ALPK1: variants seen among roughly 807,000 people sequenced by gnomAD.
ALPK1 encodes the protein alpha-protein kinase 1.
In ALPK1, 110 loss-of-function variants were observed where a neutral mutation model predicts 120.6. That is an observed-to-expected ratio of 0.91 (90% CI 0.78 to 1.07). The LOEUF (loss-of-function observed/expected upper bound fraction) is 1.07. Among genes scored for constraint, ALPK1 ranks in the 50% least tolerant of loss-of-function variants. The probability of loss-of-function intolerance (pLI) is 0.00; values close to 1 mark genes in which losing one functional copy is unlikely to be tolerated. For missense variants in ALPK1, 1,498 were observed against 1,483.9 expected (o/e 1.01, Z -0.16); for synonymous variants, 582 against 560.3 (o/e 1.04, Z -0.55).
At chr4:112,375,883 A>ACTC (rs566267311) in intron 2 of ALPK1, among the ~76,000 whole-genome samples, 126 of 151,748 alleles carry the variant, frequency 8.3e-4, no homozygotes, top group African/African-American at 2.9e-3. Context: ...GAGATGTGTG[A>ACTC]CTCTTCCTTT....
chr4:112,405,923 G>A (rs1733152013), intron 4 of ALPK1, among the ~76,000 whole-genome samples: 1 of 152,104 alleles, frequency 6.6e-6, no homozygotes, highest in African/African-American at 2.4e-5. Context: ...ACAGAACCTT[G>A]CTGAGGCCAC....
At chr4:112,344,900 T>A (rs762086441) in intron 2 of ALPK1, among the ~76,000 whole-genome samples, 32 of 152,348 alleles carry the variant, frequency 2.1e-4, no homozygotes, top group South Asian at 8.3e-4. Flanking sequence ...AAATTACAGA[T>A]TTAAAATGTT....
At chr4:112,360,831 T>A (rs1730881930) in intron 2 of ALPK1, among the ~76,000 whole-genome samples, 1 of 152,208 alleles carries the variant, frequency 6.6e-6, no homozygotes, top group East Asian at 1.9e-4. Context: ...TGTATGTAAG[T>A]CCTTTGTTGT....
At chr4:112,305,865 G>T (rs1728026572) in intron 1 of ALPK1, among the ~76,000 whole-genome samples, 1 of 152,022 alleles carries the variant, frequency 6.6e-6, no homozygotes, top group Non-Finnish European at 1.5e-5. Context: ...TGCCCATTCA[G>T]TATGATATTG....
intron 12 of ALPK1, among the ~76,000 whole-genome samples, chr4:112,436,523 G>C (rs1215635693): frequency 6.6e-6 from 1 of 152,148 alleles, no homozygotes; most frequent in Non-Finnish European, 1.5e-5. Flanking sequence ...GGAGTAGGGT[G>C]GGCCCCTGAT....
chr4:112,298,750 T>C (rs1396288653), intron 1 of ALPK1, among the ~76,000 whole-genome samples: 3 of 152,190 alleles, frequency 2.0e-5, no homozygotes, highest in Admixed American at 2.0e-4. Flanking sequence ...TGTGTTAAGC[T>C]GTAACAATAC....
intron 13 of ALPK1, 91 bp from the exon 14 acceptor site, chr4:112,439,595 G>T: frequency 9.4e-7 from 1 of 1,065,770 alleles, no homozygotes; most frequent in South Asian, 2.1e-5. Flanking sequence ...AAGCAAAGTG[G>T]CAGAGCCTAG....
intron 4 of ALPK1, among the ~76,000 whole-genome samples, chr4:112,385,837 G>A (rs1487703989): frequency 2.0e-5 from 3 of 152,074 alleles, no homozygotes. Context: ...AAAGATTACT[G>A]AGTTTGTCTT....
intron 2 of ALPK1, among the ~76,000 whole-genome samples, chr4:112,332,563 G>A (rs2148701632): frequency 6.6e-6 from 1 of 152,336 alleles, no homozygotes; most frequent in South Asian, 2.1e-4. Flanking sequence ...GTGAAATGGT[G>A]AAATGATCAA....
rs145499487 is a variant in ALPK1, at chr4:112,365,670, T to C, written c.-100-12008T>C. Among the ~76,000 whole-genome samples, 605 of 152,250 alleles carry C rather than the reference T, an allele frequency of 4.0e-3. 4 individuals carry two copies. Among genetic ancestry groups the C allele is most frequent in the African/African-American group, 0.014 (577 of 41,534 alleles). On this transcript the variant is annotated intron_variant, in intron 2 of 15. Transcript: ENST00000650871. Reference sequence around the variant, plus strand: ...AAATTCAATGCAATTCCCATCAAAATACTGCCATCATTCTTCACAGAACTA... The same window carrying C: ...AAATTCAATGCAATTCCCATCAAAACACTGCCATCATTCTTCACAGAACTA...
At chr4:112,309,364 G>T (rs934364540) in intron 1 of ALPK1, among the ~76,000 whole-genome samples, 1 of 152,186 alleles carries the variant, frequency 6.6e-6, no homozygotes, top group African/African-American at 2.4e-5. Flanking sequence ...TGCAGAGGCA[G>T]GCAGGCCTCC....
At chr4:112,377,274 G>A (rs975678928) in intron 2 of ALPK1, among the ~76,000 whole-genome samples, 7 of 152,276 alleles carry the variant, frequency 4.6e-5, no homozygotes, top group South Asian at 2.1e-4. Context: ...GGTTATTACC[G>A]TGTACTAGTG....
At chr4:112,415,055 C>G (rs1733674989) in intron 5 of ALPK1, 1 of 152,180 alleles carries the variant, frequency 6.6e-6, no homozygotes, top group African/African-American at 2.4e-5. Flanking sequence ...AGAGAAGTTA[C>G]AAGGACGCTT....
At chr4:112,351,487 T>A (rs1230741048) in intron 2 of ALPK1, among the ~76,000 whole-genome samples, 1 of 152,094 alleles carries the variant, frequency 6.6e-6, no homozygotes, top group Non-Finnish European at 1.5e-5. Flanking sequence ...TTTTTTCATT[T>A]TTTTTTTATA....
chr4:112,390,954 G>C lies in ALPK1; in HGVS notation c.276+8402G>C, dbSNP rs576106883. ...TATGTGAGGTCCTGCATAAACGTTA[G>C]GCTTGAGAGAAGTGGAAAGAGGAAG... On this transcript the variant is annotated intron_variant, in intron 4 of 15. Coordinates refer to ENST00000650871, the MANE Select transcript of ALPK1 (RefSeq NM_025144.4). 1.8e-4 allele frequency among the ~76,000 whole-genome samples: 28 copies of C among 152,280 alleles called. 1 individual carries two copies. In the East Asian group the frequency reaches 5.4e-3, roughly 29 times the overall value.
rs539011887 is a variant in ALPK1 at position 112,425,541 on chromosome 4, T to C, written c.536-124T>C. On this transcript the variant is annotated intron_variant, in intron 6 of 15. Transcript: ENST00000650871. ...CAAGAAGTTTGGACCTGATTCTAAA[T>C]GTAGAGACGAGATTGTTTCTCAAAA... 1.4e-5 allele frequency: 11 copies of C among 767,308 alleles called. No homozygotes were observed. In the South Asian group the frequency reaches 1.9e-4, roughly 13 times the overall value. The allele number at this position is 767,308 out of a possible 1,614,324, so 47.5% of individuals were successfully genotyped here. A position where few individuals can be genotyped will look rare whatever the true frequency, so the allele number is the denominator to read the frequency against.
intron 12 of ALPK1, among the ~76,000 whole-genome samples, chr4:112,437,066 A>G (rs937849968): frequency 1.3e-5 from 2 of 152,216 alleles, no homozygotes; most frequent in African/African-American, 4.8e-5. Flanking sequence ...GCAGGTAGTC[A>G]GACATCCTGT....
chr4:112,365,690 G>A (rs575351334), intron 2 of ALPK1, among the ~76,000 whole-genome samples: 11 of 152,188 alleles, frequency 7.2e-5, no homozygotes. Context: ...ATTCTTCACA[G>A]AACTAGAAAA....
chr4:112,325,483 A>G (rs1190320382), intron 2 of ALPK1, among the ~76,000 whole-genome samples: 2 of 152,224 alleles, frequency 1.3e-5, no homozygotes, highest in African/African-American at 4.8e-5. Flanking sequence ...ATTAGAAGTG[A>G]GGGACTTGAG....
Sources: gnomAD v4.1 joint callset for allele counts (sites outside exome capture counted in the v4.1 genomes callset) on GRCh38, gnomAD v4.1.1 for gene constraint, MANE v1.5 for transcripts, NCBI Gene and HGNC (gene_info 2026-07-23, HGNC 2026-07-21) for gene names.